The following GCGR variants were observed in gnomAD, a reference collection of about 807,000 sequenced individuals.
The protein encoded by GCGR is glucagon receptor.
A neutral mutation model predicts 56.1 loss-of-function variants in GCGR; 41 were observed. The ratio of observed to expected loss-of-function variants is 0.73; its 90% CI spans 0.57 to 0.95. The LOEUF (loss-of-function observed/expected upper bound fraction) is 0.95. GCGR is among the 40% of genes least tolerant of loss of function. The pLI is 0.00. For missense variants in GCGR, 595 were observed against 638.2 expected, an observed-to-expected ratio of 0.93 and a Z score of 0.73; for synonymous variants, 278 against 271.1, an observed-to-expected ratio of 1.03 and a Z score of -0.25.
chr17:81,808,435 T>C (rs1406061649), intron 1 of GCGR, among the ~76,000 whole-genome samples: 1 of 151,752 alleles, frequency 6.6e-6, no homozygotes, highest in Non-Finnish European at 1.5e-5. Flanking sequence ...CGAGGGGCTC[T>C]GCGACCCTCA....
chr17:81,807,268 C>A (rs1250795950), intron 1 of GCGR, among the ~76,000 whole-genome samples: 1 of 152,242 alleles, frequency 6.6e-6, no homozygotes, highest in Non-Finnish European at 1.5e-5. Flanking sequence ...GGCTCAGGAA[C>A]TGGGGATCAG....
At chr17:81,805,631 C>T (rs958283845) in intron 1 of GCGR, among the ~76,000 whole-genome samples, 13 of 150,076 alleles carry the variant, frequency 8.7e-5, no homozygotes, top group African/African-American at 3.2e-4. Flanking sequence ...CCATTGGGCA[C>T]CTCGGGAACC....
chr17:81,813,396 T>A lies in GCGR; in HGVS notation c.1219-78T>A. The A allele has an allele frequency of 1.5e-6, 2 of 1,341,240 alleles. No homozygotes were observed. The highest frequency in any genetic ancestry group is 1.3e-5 in the South Asian group (1 of 77,262). 83.1% of individuals were successfully genotyped at this position (1,341,240 alleles called of 1,614,324 possible). ...CAGAGCGGAGACTGGGCATCTCCGATGAGGCCCACAGCAGGTCCCGGTGGG... is the reference window on the plus strand; with the variant it reads ...CAGAGCGGAGACTGGGCATCTCCGAAGAGGCCCACAGCAGGTCCCGGTGGG... On this transcript the variant is annotated intron_variant, in intron 13 of 13. Coordinates refer to ENST00000400723, the MANE Select transcript of GCGR (RefSeq NM_000160.5). This position sits in a 1 kb window ranked among gnomAD's most constrained non-coding sequence, Gnocchi z 5.3.
intron 1 of GCGR, among the ~76,000 whole-genome samples, chr17:81,805,485 C>A (rs1042292595): frequency 6.6e-6 from 1 of 151,962 alleles, no homozygotes; most frequent in Admixed American, 6.6e-5. Flanking sequence ...GGGCAGGGCA[C>A]CTCGGGAGCC....
chr17:81,806,420 A>G lies in GCGR; in HGVS notation c.-178+2171A>G, dbSNP rs908760928. On this transcript the variant is annotated intron_variant, in intron 1 of 13. Transcript: ENST00000400723. The surrounding 1 kb of genome is among the most constrained non-coding windows in gnomAD (Gnocchi z 6.5). ...GTCGGGGGAATCCTCCAGGATCCCCAGCCCCACCTTCCCAACCTTCTGTTG... is the reference window on the plus strand; with the variant it reads ...GTCGGGGGAATCCTCCAGGATCCCCGGCCCCACCTTCCCAACCTTCTGTTG... 6.6e-6 allele frequency among the ~76,000 whole-genome samples: 1 copy of G among 152,134 alleles called. No homozygotes were observed. Among genetic ancestry groups the G allele is most frequent in the Admixed American group, 6.5e-5 (1 of 15,280 alleles).
In GCGR at chr17:81,808,860, G is replaced by T; in HGVS notation, c.-159G>T. The stretch of plus-strand genomic sequence containing the variant: ...TCCCTAGGACCCTGAGGCTCAGAGG[G>T]GCAGCTTCAGGGGAGGACACCCCAC... On this transcript the variant is annotated 5_prime_UTR_variant, in exon 2 of 14. Transcript: ENST00000400723. The T allele has an allele frequency of 1.2e-6, 1 of 835,466 alleles. No homozygotes were observed. The highest frequency in any genetic ancestry group is 1.9e-6 in the Non-Finnish European group (1 of 523,536). The allele number at this position is 835,466 out of a possible 1,614,324, so 51.8% of individuals were successfully genotyped here. A position where few individuals can be genotyped will look rare whatever the true frequency, so the allele number is the denominator to read the frequency against.
rs374549486 is a variant in GCGR at position 81,806,560 on chromosome 17, C to T, written c.-177-2282C>T. Among the ~76,000 whole-genome samples the T allele has an allele frequency of 2.6e-5, 4 of 152,166 alleles. No individual in the cohort carries two copies. Among genetic ancestry groups the T allele is most frequent in the Non-Finnish European group, 4.4e-5 (3 of 68,022 alleles). ...CGCTGGGGTCTCCAGACTGGCTGCC[C>T]GGCTGGAAGGTGGGGCCCTGGCACG... is the stretch of plus-strand genomic sequence containing the variant. On this transcript the variant is annotated intron_variant, in intron 1 of 13. Coordinates refer to ENST00000400723, the MANE Select transcript of GCGR (RefSeq NM_000160.5). The surrounding 1 kb of genome is among the most constrained non-coding windows in gnomAD (Gnocchi z 6.5).
intron 2 of GCGR, among the ~76,000 whole-genome samples, chr17:81,809,343 CCTGT>C (rs1420318547): frequency 6.2e-5 from 9 of 145,720 alleles, no homozygotes; most frequent in South Asian, 2.3e-4. Flanking sequence ...CATCTGCCTG[CCTGT>C]CTGTCGGCCT....
intron 1 of GCGR, among the ~76,000 whole-genome samples, chr17:81,805,580 G>A (rs1443996590): frequency 6.9e-6 from 1 of 145,302 alleles, no homozygotes; most frequent in Middle Eastern, 3.2e-3. Context: ...CCCACATTGG[G>A]CACCTCGGGA....
At chr17:81,807,291 C>G (rs1322862025) in intron 1 of GCGR, among the ~76,000 whole-genome samples, 2 of 152,262 alleles carry the variant, frequency 1.3e-5, no homozygotes, top group Non-Finnish European at 2.9e-5. Flanking sequence ...ACACACGGGT[C>G]CTGCCTCCCA....
Position 81,813,166 on chromosome 17 carries a change from T to G in GCGR, c.1218+109T>G. On this transcript the variant is annotated intron_variant, in intron 13 of 13. Transcript: ENST00000400723. The surrounding 1 kb of genome is among the most constrained non-coding windows in gnomAD (Gnocchi z 5.3). ...ACCCCTGCCCGGGGGTTGGAACACG[T>G]GGGGCCCAAGCCTTTCCCTCCCCCT... is the stretch of plus-strand genomic sequence containing the variant. 6.8e-7 allele frequency: 1 copy of G among 1,473,700 alleles called. No individual in the cohort carries two copies. The highest frequency in any genetic ancestry group is 9.2e-7 in the Non-Finnish European group (1 of 1,092,330). The allele number at this position is 1,473,700 out of a possible 1,614,324, so 91.3% of individuals were successfully genotyped here. A position where few individuals can be genotyped will look rare whatever the true frequency, so the allele number is the denominator to read the frequency against.
In GCGR at chr17:81,812,347, G is replaced by T; in HGVS notation, c.948+95G>T. The T allele has an allele frequency of 7.2e-7, 1 of 1,398,356 alleles. No homozygotes were observed. Among genetic ancestry groups the T allele is most frequent in the East Asian group, 2.5e-5 (1 of 40,120 alleles). The allele number at this position is 1,398,356 out of a possible 1,614,324, so 86.6% of individuals were successfully genotyped here. ...AGACAGCAGCATCCTGTCTGAGAGC[G>T]CTGGGAGGGAGCCGGCACCCAGACA... On this transcript the variant is annotated intron_variant, in intron 10 of 13. Transcript: ENST00000400723. This position sits in a 1 kb window ranked among gnomAD's most constrained non-coding sequence, Gnocchi z 8.5.
intron 2 of GCGR, among the ~76,000 whole-genome samples, chr17:81,809,366 G>T (rs990513779): frequency 6.8e-6 from 1 of 146,792 alleles, no homozygotes. Flanking sequence ...CTGCCTGCCT[G>T]CCTGTCTGTC....
rs1197643169 is a variant in GCGR, at chr17:81,806,171, A to C, written c.-178+1922A>C. ...AATTGGTCCCCCCCCGGCTCCACCCACCCCTGTTGGGGTGAGGAGCTGGAG... is the reference window on the plus strand; with the variant it reads ...AATTGGTCCCCCCCCGGCTCCACCCCCCCCTGTTGGGGTGAGGAGCTGGAG... On this transcript the variant is annotated intron_variant, in intron 1 of 13. Coordinates refer to ENST00000400723, the MANE Select transcript of GCGR (RefSeq NM_000160.5). The surrounding 1 kb of genome is among the most constrained non-coding windows in gnomAD (Gnocchi z 6.5). Among the ~76,000 whole-genome samples, 1 of 151,290 alleles carries C rather than the reference A, an allele frequency of 6.6e-6. No homozygotes were observed. The highest frequency in any genetic ancestry group is 1.5e-5 in the Non-Finnish European group (1 of 67,764).
Position 81,806,288 on chromosome 17 carries a change from G to T in GCGR, c.-178+2039G>T, listed in dbSNP as rs916475912. On this transcript the variant is annotated intron_variant, in intron 1 of 13. Coordinates refer to ENST00000400723, the MANE Select transcript of GCGR (RefSeq NM_000160.5). This position sits in a 1 kb window ranked among gnomAD's most constrained non-coding sequence, Gnocchi z 6.5. ...GCCTCACTATCAGAGACCCAGTGGA[G>T]AATTGCCTCCCACCTCACCTCTTGT... is the stretch of plus-strand genomic sequence containing the variant. 2.2e-4 allele frequency among the ~76,000 whole-genome samples: 34 copies of T among 152,278 alleles called. No individual in the cohort carries two copies. The highest frequency in any genetic ancestry group is 7.9e-4 in the African/African-American group (33 of 41,560).
chr17:81,811,226 A>T lies in GCGR; in HGVS notation c.398A>T (p.Glu133Val), dbSNP rs2038090454. Residue 133 changes from glutamate (E) to valine (V), a missense_variant, in exon 6 of 14, where the codon GAG (glutamate) becomes GTG (valine). Transcript: ENST00000400723. This position sits in a 1 kb window ranked among gnomAD's most constrained non-coding sequence, Gnocchi z 5.8. ...MDGEEIEVQK[E>V]VAKMYSSFQV... ...ACAGGCCACTGTAACTCGCAGAAGG[A>T]GGTGGCCAAGATGTACAGCAGCTTC... 3.9e-6 allele frequency: 6 copies of T among 1,536,174 alleles called. No individual in the cohort carries two copies. Among genetic ancestry groups the T allele is most frequent in the African/African-American group, 1.4e-5 (1 of 73,142 alleles).
rs2038126465 is a variant in GCGR at position 81,812,639 on chromosome 17, G to A, written c.1011G>A (p.Gln337=). 3 of 1,536,274 alleles carry A rather than the reference G, an allele frequency of 2.0e-6. No homozygotes were observed. Among genetic ancestry groups the A allele is most frequent in the Non-Finnish European group, 2.6e-6 (3 of 1,146,776 alleles). The change falls in exon 11 of 14, where the codon CAG becomes CAA. Residue 337 remains glutamine, a synonymous_variant. Transcript: ENST00000400723. This position sits in a 1 kb window ranked among gnomAD's most constrained non-coding sequence, Gnocchi z 8.5. ...TCGTGGCCAAGCTGCGGGCACGGCA[G>A]ATGCACCACACAGACTACAAGTTCC... ...QLLVAKLRAR[Q]MHHTDYKFRL...
rs562668627 is a variant in GCGR, at chr17:81,808,868, C to G, written c.-151C>G. On this transcript the variant is annotated 5_prime_UTR_variant, in exon 2 of 14. Coordinates refer to ENST00000400723, the MANE Select transcript of GCGR (RefSeq NM_000160.5). ...ACCCTGAGGCTCAGAGGGGCAGCTT[C>G]AGGGGAGGACACCCCACTGGCCAGG... is the stretch of plus-strand genomic sequence containing the variant. 9.9e-6 allele frequency: 9 copies of G among 912,938 alleles called. No individual in the cohort carries two copies. In the East Asian group the frequency reaches 2.4e-4, roughly 24 times the overall value. The allele number at this position is 912,938 out of a possible 1,614,324, so 56.6% of individuals were successfully genotyped here.
In GCGR at chr17:81,811,318, G is replaced by A. The variant is rs896113818; in HGVS notation, c.490G>A (p.Gly164Arg). 2.0e-6 allele frequency: 3 copies of A among 1,535,094 alleles called. No homozygotes were observed. Among genetic ancestry groups the A allele is most frequent in the Non-Finnish European group, 2.6e-6 (3 of 1,146,066 alleles). The stretch of plus-strand genomic sequence containing the variant: ...CCTGCTCCTCGCCTTGGCCATCCTG[G>A]GGGGCCTCAGGTAGGATTCCGCCAG... ...GALLLALAIL[G>R]GLSKLHCTRN... Residue 164 changes from glycine (G) to arginine (R), a missense_variant, in exon 6 of 14, where the codon GGG (glycine) becomes AGG (arginine). Physicochemically the swap from Gly to Arg is moderately radical, Grantham distance 125 (BLOSUM62 -2). Coordinates refer to ENST00000400723, the MANE Select transcript of GCGR (RefSeq NM_000160.5). The surrounding 1 kb of genome is among the most constrained non-coding windows in gnomAD (Gnocchi z 5.8).
Sources: allele counts gnomAD v4.1 joint callset (sites outside exome capture counted in the v4.1 genomes callset), GRCh38; gene constraint gnomAD v4.1.1; non-coding constraint Gnocchi (gnomAD v3.1); transcripts MANE v1.5; gene names NCBI Gene and HGNC (gene_info 2026-07-23, HGNC 2026-07-21).